Variants in UBE2E2 observed in about 807,000 individuals in gnomAD.
UBE2E2 encodes the protein ubiquitin conjugating enzyme E2 E2.
UBE2E2 carries 6 observed loss-of-function variants against 24.7 expected under a neutral mutation model. The ratio of observed to expected loss-of-function variants is 0.24; its 90% CI spans 0.13 to 0.48. The LOEUF is 0.48. Ranked by LOEUF, UBE2E2 falls within the 20% of genes least tolerant of loss-of-function variation. The pLI, the probability that UBE2E2 is intolerant of heterozygous loss-of-function variation, is 0.99. For missense variants in UBE2E2, 169 were observed against 245.0 expected (o/e 0.69, Z 2.07); for synonymous variants, 104 against 83.6 (o/e 1.24, Z -1.33).
chr3:23,428,617 A>C (rs576802260), intron 3 of UBE2E2, among the ~76,000 whole-genome samples: 6 of 152,202 alleles, frequency 3.9e-5, no homozygotes, highest in African/African-American at 1.4e-4. Context: ...GTTCTTTGAA[A>C]ACATCAATAA....
rs548641427 is a variant in UBE2E2, at chr3:23,314,418, C to A, written c.227+97106C>A. 1.4e-5 allele frequency among the ~76,000 whole-genome samples: 2 copies of A among 141,486 alleles called. 1 individual carries two copies. The highest frequency in any genetic ancestry group is 4.5e-4 in the South Asian group (2 of 4,494). 92.8% of individuals were successfully genotyped at this position (141,486 alleles called of 152,430 possible). ...GTGTTGGGATTACAGGTGTGAGCCACTGTGGCCCGCCATAGTTATTATTTT... is the reference window on the plus strand; with the variant it reads ...GTGTTGGGATTACAGGTGTGAGCCAATGTGGCCCGCCATAGTTATTATTTT... On this transcript the variant is annotated intron_variant, in intron 3 of 5. Coordinates refer to ENST00000396703, the MANE Select transcript of UBE2E2 (RefSeq NM_152653.4).
intron 3 of UBE2E2, among the ~76,000 whole-genome samples, chr3:23,475,467 T>A (rs748449137): frequency 6.6e-6 from 1 of 152,044 alleles, no homozygotes; most frequent in Non-Finnish European, 1.5e-5. Context: ...TATACCTCAG[T>A]CACTATAAAG....
At chr3:23,566,495 G>A (rs1334507338) in intron 5 of UBE2E2, among the ~76,000 whole-genome samples, 3 of 152,158 alleles carry the variant, frequency 2.0e-5, no homozygotes, top group African/African-American at 7.2e-5. Context: ...CTGAGGCTGG[G>A]CAATTTATAA....
chr3:23,491,929 T>A (rs1383219697), intron 3 of UBE2E2, among the ~76,000 whole-genome samples: 2 of 152,068 alleles, frequency 1.3e-5, no homozygotes, highest in Non-Finnish European at 2.9e-5. Flanking sequence ...CAACAGGATT[T>A]GGGGGACTTA....
At chr3:23,346,035 C>G (rs145961861) in intron 3 of UBE2E2, among the ~76,000 whole-genome samples, 3 of 152,082 alleles carry the variant, frequency 2.0e-5, no homozygotes, top group East Asian at 3.9e-4. Context: ...CTGTGTGATT[C>G]GTTTGTTGTT....
intron 3 of UBE2E2, among the ~76,000 whole-genome samples, chr3:23,252,749 G>A (rs1351767932): frequency 6.6e-6 from 1 of 152,080 alleles, no homozygotes; most frequent in African/African-American, 2.4e-5. Context: ...CACCCACCTC[G>A]GTCTCCCAAA....
chr3:23,402,338 C>G (rs937388929), intron 3 of UBE2E2, among the ~76,000 whole-genome samples: 3 of 152,192 alleles, frequency 2.0e-5, no homozygotes, highest in Non-Finnish European at 2.9e-5. Context: ...GTGATAGTCA[C>G]TAGTACTTCA....
intron 3 of UBE2E2, among the ~76,000 whole-genome samples, chr3:23,430,306 A>G (rs1575623901): frequency 6.6e-6 from 1 of 152,178 alleles, no homozygotes; most frequent in South Asian, 2.1e-4. Flanking sequence ...AGTATACCTT[A>G]TCTCCCATCT....
At position 23,514,470 on chromosome 3, in the gene UBE2E2, A is replaced by G. The variant is rs999557452; in HGVS notation, c.360+14730A>G. ...TATTGTGCAGTGTGTATGTGTTTTC[A>G]TTCTCATTCTCCCATATCTAATCAT... On this transcript the variant is annotated intron_variant, in intron 4 of 5. Transcript: ENST00000396703. 8.5e-5 allele frequency among the ~76,000 whole-genome samples: 13 copies of G among 152,236 alleles called. 2 individuals carry two copies. Among genetic ancestry groups the G allele is most frequent in the Admixed American group, 2.0e-4 (3 of 15,276 alleles).
intron 5 of UBE2E2, among the ~76,000 whole-genome samples, chr3:23,576,208 A>G (rs1696344088): frequency 2.0e-5 from 3 of 152,194 alleles, no homozygotes; most frequent in African/African-American, 7.2e-5. Context: ...AGACCAAACC[A>G]TGGAATAAAA....
chr3:23,285,373 T>G (rs758913083), intron 3 of UBE2E2, among the ~76,000 whole-genome samples: 3 of 152,226 alleles, frequency 2.0e-5, no homozygotes, highest in Non-Finnish European at 4.4e-5. Context: ...AATTGATTCC[T>G]TTCTTTTGGG....
In UBE2E2 at chr3:23,474,709, A is replaced by G. The variant is rs115485209; in HGVS notation, c.228-24899A>G. On this transcript the variant is annotated intron_variant, in intron 3 of 5. Transcript: ENST00000396703. The surrounding 1 kb of genome is among the most constrained non-coding windows in gnomAD (Gnocchi z 4.0). ...GGTAATAATGCGTTAGACCAATTAC[A>G]GTCTTACACAGTCTTCATCTTCCTC... Among the ~76,000 whole-genome samples the G allele has an allele frequency of 3.5e-3, 536 of 152,176 alleles. 10 individuals are homozygous for G. The highest frequency in any genetic ancestry group is 0.012 in the African/African-American group (482 of 41,430).
intron 3 of UBE2E2, among the ~76,000 whole-genome samples, chr3:23,422,919 C>T (rs1459806818): frequency 6.6e-6 from 1 of 152,178 alleles, no homozygotes; most frequent in Non-Finnish European, 1.5e-5. Flanking sequence ...GATCCCTGTT[C>T]AGCTCTTCTC....
chr3:23,589,659 C>A lies in UBE2E2; in HGVS notation c.509-75C>A. 6.6e-7 allele frequency: 1 copy of A among 1,512,976 alleles called. No individual in the cohort carries two copies. The highest frequency in any genetic ancestry group is 1.2e-5 in the South Asian group (1 of 85,712). The allele number at this position is 1,512,976 out of a possible 1,614,324, so 93.7% of individuals were successfully genotyped here. A position where few individuals can be genotyped will look rare whatever the true frequency, so the allele number is the denominator to read the frequency against. ...GCTTCTCATCTCCTACCCTCCCACT[C>A]CTTGCCAGCTTTCTGAACACTTCTT... On this transcript the variant is annotated intron_variant, in intron 5 of 5. Coordinates refer to ENST00000396703, the MANE Select transcript of UBE2E2 (RefSeq NM_152653.4). This position sits in a 1 kb window ranked among gnomAD's most constrained non-coding sequence, Gnocchi z 4.1.
At chr3:23,406,208 T>G (rs758270202) in intron 3 of UBE2E2, among the ~76,000 whole-genome samples, 17 of 152,338 alleles carry the variant, frequency 1.1e-4, no homozygotes, top group Non-Finnish European at 1.9e-4. Context: ...TGTTAATGGA[T>G]CTCCCAGTTC....
intron 5 of UBE2E2, among the ~76,000 whole-genome samples, chr3:23,546,460 ATTTTTTTTTTTTTTTTTTT>A (rs899923576): frequency 1.3e-5 from 1 of 76,860 alleles, no homozygotes. Flanking sequence ...GAACATTTAG[ATTTTTTTTTTTTTTTTTTT>A]TTTTTTTTTT....
chr3:23,246,387 A>ATT lies in UBE2E2; in HGVS notation c.227+29095_227+29096dup, dbSNP rs35802594. Among the ~76,000 whole-genome samples the ATT allele has an allele frequency of 7.8e-4, 96 of 122,468 alleles. 1 individual carries two copies. The highest frequency in any genetic ancestry group is 6.4e-3 in the South Asian group (25 of 3,880). The allele number at this position is 122,468 out of a possible 152,430, so 80.3% of individuals were successfully genotyped here. A position where few individuals can be genotyped will look rare whatever the true frequency, so the allele number is the denominator to read the frequency against. ...AGGCGCCCGCCACCATGCCTGGCTA[A>ATT]TTTTTTTTTTTTTTTTTTTTTGTAT... On this transcript the variant is annotated intron_variant, in intron 3 of 5. Coordinates refer to ENST00000396703, the MANE Select transcript of UBE2E2 (RefSeq NM_152653.4).
intron 5 of UBE2E2, among the ~76,000 whole-genome samples, chr3:23,539,312 C>G (rs1350733708): frequency 6.6e-6 from 1 of 152,164 alleles, no homozygotes; most frequent in African/African-American, 2.4e-5. Flanking sequence ...AAATGCTGAC[C>G]TGCTAAAACT....
intron 3 of UBE2E2, among the ~76,000 whole-genome samples, chr3:23,451,590 T>C (rs1207967427): frequency 4.6e-5 from 7 of 152,226 alleles, no homozygotes; most frequent in African/African-American, 7.2e-5. Context: ...GTCTCTCTGC[T>C]ATCAGTGTAG....
Sources: gnomAD v4.1 joint callset for allele counts (sites outside exome capture counted in the v4.1 genomes callset) on GRCh38, gnomAD v4.1.1 for gene constraint, Gnocchi (gnomAD v3.1) non-coding constraint, MANE v1.5 for transcripts, NCBI Gene and HGNC (gene_info 2026-07-23, HGNC 2026-07-21) for gene names.